Variants in PDZRN3 observed in about 807,000 individuals in gnomAD.
PDZRN3 encodes the protein PDZ domain containing ring finger 3, also known as E3 ubiquitin-protein ligase PDZRN3.
A neutral mutation model predicts 85.7 loss-of-function variants in PDZRN3; 38 were observed. The observed-to-expected ratio is 0.44, with a 90% confidence interval of 0.34 to 0.58. The LOEUF (loss-of-function observed/expected upper bound fraction) is 0.58, where lower values mean the gene tolerates loss of function less well. Among genes scored for constraint, PDZRN3 ranks in the 20% least tolerant of loss-of-function variants. The pLI, the probability that PDZRN3 is intolerant of heterozygous loss-of-function variation, is 0.01. For missense variants in PDZRN3, 1,629 were observed against 1,506.4 expected, an observed-to-expected ratio of 1.08 and a Z score of -1.35; for synonymous variants, 759 against 638.0, an observed-to-expected ratio of 1.19 and a Z score of -2.86.
chr3:73,437,708 C>A (rs1702557348), intron 3 of PDZRN3, among the ~76,000 whole-genome samples: 1 of 152,032 alleles, frequency 6.6e-6, no homozygotes, highest in South Asian at 2.1e-4. Context: ...CAAGACATAC[C>A]AAAGTGATTT....
intron 3 of PDZRN3, among the ~76,000 whole-genome samples, chr3:73,597,652 T>C (rs1027412699): frequency 2.7e-5 from 4 of 150,180 alleles, no homozygotes; most frequent in Non-Finnish European, 5.9e-5. Flanking sequence ...TGGCAAGAAA[T>C]ATAGATGTGG....
chr3:73,500,044 G>C (rs1424095620), intron 3 of PDZRN3, among the ~76,000 whole-genome samples: 1 of 152,152 alleles, frequency 6.6e-6, no homozygotes, highest in African/African-American at 2.4e-5. Context: ...GGGTTACAAA[G>C]AAAGCCCTTG....
At chr3:73,398,601 T>C (rs891082205) in intron 5 of PDZRN3, among the ~76,000 whole-genome samples, 1 of 152,206 alleles carries the variant, frequency 6.6e-6, no homozygotes, top group African/African-American at 2.4e-5. Flanking sequence ...TCTGAGTGGC[T>C]CCCTCCTGCT....
intron 5 of PDZRN3, among the ~76,000 whole-genome samples, chr3:73,396,257 A>T (rs1425912167): frequency 1.3e-5 from 2 of 152,168 alleles, no homozygotes; most frequent in Non-Finnish European, 2.9e-5. Context: ...CTGGTGGCAT[A>T]GGGATGCTTC....
chr3:73,530,645 GT>G (rs146826934), intron 3 of PDZRN3, among the ~76,000 whole-genome samples: 1 of 151,798 alleles, frequency 6.6e-6, no homozygotes, highest in Non-Finnish European at 1.5e-5. Context: ...CAGATCAAAT[GT>G]TTTTTGTTTA....
chr3:73,382,876 CCTTCACCTAAA>C lies in PDZRN3; in HGVS notation c.*478_*488del, dbSNP rs1407905311. 1 of 154,818 alleles carries C rather than the reference CCTTCACCTAAA, an allele frequency of 6.5e-6. No individual in the cohort carries two copies. Among genetic ancestry groups the C allele is most frequent in the African/African-American group, 2.4e-5 (1 of 41,430 alleles). The allele number at this position is 154,818 out of a possible 1,614,324, so 9.6% of individuals were successfully genotyped here. On this transcript the variant is annotated 3_prime_UTR_variant, in exon 10 of 10. Coordinates refer to ENST00000263666, the MANE Select transcript of PDZRN3 (RefSeq NM_015009.3). ...CGGGTTGGGTGGTTTTGAGTTGAAACCTTCACCTAAATGATAATATCTTAACGGTCACGCAT... is the reference window on the plus strand; with the variant it reads ...CGGGTTGGGTGGTTTTGAGTTGAAACTGATAATATCTTAACGGTCACGCAT...
At chr3:73,524,076 T>C (rs1704461519) in intron 3 of PDZRN3, among the ~76,000 whole-genome samples, 1 of 152,212 alleles carries the variant, frequency 6.6e-6, no homozygotes. Context: ...GGACCTCTCC[T>C]TTCACAAGGC....
chr3:73,413,401 G>A (rs1702011703), intron 3 of PDZRN3, among the ~76,000 whole-genome samples: 1 of 152,162 alleles, frequency 6.6e-6, no homozygotes, highest in Non-Finnish European at 1.5e-5. Context: ...ATATGACACT[G>A]AACGCCACAC....
intron 3 of PDZRN3, among the ~76,000 whole-genome samples, chr3:73,567,497 A>AT (rs1350102669): frequency 1.3e-5 from 2 of 152,156 alleles, no homozygotes; most frequent in African/African-American, 4.8e-5. Flanking sequence ...TGATTAACAG[A>AT]TTTTATCAAT....
intron 4 of PDZRN3, among the ~76,000 whole-genome samples, chr3:73,401,419 G>C (rs917484786): frequency 1.3e-5 from 2 of 152,186 alleles, no homozygotes; most frequent in Non-Finnish European, 1.5e-5. Context: ...AACAGTCTAA[G>C]ATATGTGCTG....
chr3:73,624,750 C>T lies in PDZRN3; in HGVS notation c.76G>A (p.Glu26Lys), dbSNP rs1238847515. The change falls in exon 1 of 10, where the codon GAG (glutamate) becomes AAG (lysine). Residue 26 changes from glutamate (E) to lysine (K), a missense_variant. Coordinates refer to ENST00000263666, the MANE Select transcript of PDZRN3 (RefSeq NM_015009.3). ...CCGCACGGCGTGGTCAGCGGGTCCT[C>T]CAGGACCTTGTGGCACAGCGCGCAC... ...LKCALCHKVL[E>K]DPLTTPCGHV... The T allele has an allele frequency of 4.0e-6, 6 of 1,509,742 alleles. No individual in the cohort carries two copies. In the South Asian group the frequency reaches 5.0e-5, roughly 13 times the overall value. 93.5% of individuals were successfully genotyped at this position (1,509,742 alleles called of 1,614,324 possible).
chr3:73,387,663 AAGT>A (rs1701424724), intron 8 of PDZRN3, among the ~76,000 whole-genome samples: 1 of 152,194 alleles, frequency 6.6e-6, no homozygotes, highest in Non-Finnish European at 1.5e-5. Flanking sequence ...AGGCCTTGGG[AAGT>A]CAAATGTCTT....
At chr3:73,396,573 ATATACT>A (rs1576032508) in intron 5 of PDZRN3, among the ~76,000 whole-genome samples, 1 of 152,108 alleles carries the variant, frequency 6.6e-6, no homozygotes, top group East Asian at 1.9e-4. Context: ...TTCCCTTCTG[ATATACT>A]TAGCTTCCTC....
intron 5 of PDZRN3, among the ~76,000 whole-genome samples, chr3:73,399,204 T>C (rs181697583): frequency 6.6e-6 from 1 of 152,348 alleles, no homozygotes; most frequent in African/African-American, 2.4e-5. Flanking sequence ...TACTACTTCA[T>C]AACTCTAGCT....
chr3:73,471,784 G>A (rs888527374), intron 3 of PDZRN3, among the ~76,000 whole-genome samples: 6 of 152,124 alleles, frequency 3.9e-5, no homozygotes, highest in East Asian at 1.9e-4. Flanking sequence ...AGCCCCTTCC[G>A]TTTAGAATGT....
At chr3:73,480,678 C>T (rs1184374554) in intron 3 of PDZRN3, among the ~76,000 whole-genome samples, 1 of 152,168 alleles carries the variant, frequency 6.6e-6, no homozygotes, top group African/African-American at 2.4e-5. Context: ...TCTTTCCCCA[C>T]CATACTGTGT....
At chr3:73,554,355 CACACACACA>C (rs1260839813) in intron 3 of PDZRN3, among the ~76,000 whole-genome samples, 2 of 18,940 alleles carry the variant, frequency 1.1e-4, no homozygotes, top group Admixed American at 6.8e-4. Flanking sequence ...TGAGAGAAGA[CACACACACA>C]CACACACACA....
chr3:73,506,986 G>C (rs538391391), intron 3 of PDZRN3, among the ~76,000 whole-genome samples: 1 of 152,094 alleles, frequency 6.6e-6, no homozygotes, highest in Non-Finnish European at 1.5e-5. Flanking sequence ...GAGGTAAATT[G>C]CATCACAGCC....
At chr3:73,418,644 C>T (rs1364873567) in intron 3 of PDZRN3, among the ~76,000 whole-genome samples, 1 of 152,170 alleles carries the variant, frequency 6.6e-6, no homozygotes, top group Non-Finnish European at 1.5e-5. Context: ...CCTATCACAT[C>T]CTGGAAGCAG....
Sources: allele counts gnomAD v4.1 joint callset (sites outside exome capture counted in the v4.1 genomes callset), GRCh38; gene constraint gnomAD v4.1.1; transcripts MANE v1.5; gene names NCBI Gene and HGNC (gene_info 2026-07-23, HGNC 2026-07-21).